AFG2A: variants seen among roughly 807,000 people sequenced by gnomAD.
AFG2A encodes ATPase family gene 2 protein homolog A.
the AFG2A span, among the ~76,000 whole-genome samples, chr4:123,176,926 G>C: frequency 6.6e-6 from 1 of 152,140 alleles, no homozygotes; most frequent in Non-Finnish European, 1.5e-5. Context: ...GGAATGAGCT[G>C]TTGTAATGAT....
the AFG2A span, among the ~76,000 whole-genome samples, chr4:122,953,815 C>A: frequency 6.6e-6 from 1 of 152,222 alleles, no homozygotes; most frequent in Admixed American, 6.5e-5. Context: ...CCCAGCAGCA[C>A]GTACCCTTTG....
chr4:123,212,724 T>G, the AFG2A span, among the ~76,000 whole-genome samples: 1 of 152,274 alleles, frequency 6.6e-6, no homozygotes, highest in East Asian at 1.9e-4. Flanking sequence ...TGCTTTCACC[T>G]GGAGAGCCGT....
the AFG2A span, among the ~76,000 whole-genome samples, chr4:123,172,228 CA>C: frequency 1.4e-4 from 21 of 152,114 alleles, no homozygotes; most frequent in Admixed American, 2.6e-4. Flanking sequence ...CAATGATAAA[CA>C]AAGTAAGATG....
the AFG2A span, among the ~76,000 whole-genome samples, chr4:123,200,650 G>A: frequency 6.6e-6 from 1 of 152,168 alleles, no homozygotes; most frequent in Non-Finnish European, 1.5e-5. Context: ...CACTGAGAAG[G>A]CAAGCTTGTT....
chr4:123,002,671 T>A, the AFG2A span, among the ~76,000 whole-genome samples: 1 of 152,206 alleles, frequency 6.6e-6, no homozygotes, highest in African/African-American at 2.4e-5. Context: ...TGCCGAGAGA[T>A]CCGCTGTTAG....
the AFG2A span, among the ~76,000 whole-genome samples, chr4:123,269,569 G>A: frequency 0.022 from 3,324 of 152,166 alleles, 65 homozygotes; most frequent in Non-Finnish European, 0.035. Flanking sequence ...TCATTGCCTT[G>A]GTTTCAAATA....
the AFG2A span, among the ~76,000 whole-genome samples, chr4:123,243,977 G>A: frequency 7.2e-5 from 11 of 152,042 alleles, 1 homozygote; most frequent in Non-Finnish European, 1.2e-4. Context: ...AGCCATGATC[G>A]CGCTACTGCA....
the AFG2A span, among the ~76,000 whole-genome samples, chr4:123,294,034 TCACCCGTGTCTCTTATCAG>T: frequency 6.6e-6 from 1 of 152,228 alleles, no homozygotes; most frequent in African/African-American, 2.4e-5. Flanking sequence ...GGAGAATTGG[TCACCCGTGTCTCTTATCAG>T]CAAGCTGGAG....
At chr4:123,004,300 G>A in the AFG2A span, among the ~76,000 whole-genome samples, 7 of 152,162 alleles carry the variant, frequency 4.6e-5, no homozygotes, top group East Asian at 1.9e-4. Flanking sequence ...GCCGGCACAC[G>A]GTGCACTGCA....
At chr4:123,131,123 C>T in the AFG2A span, among the ~76,000 whole-genome samples, 1 of 152,018 alleles carries the variant, frequency 6.6e-6, no homozygotes, top group African/African-American at 2.4e-5. Flanking sequence ...GTTTTCTTTA[C>T]GTATTCTGGA....
the AFG2A span, among the ~76,000 whole-genome samples, chr4:122,985,037 G>A: frequency 6.6e-6 from 1 of 151,918 alleles, no homozygotes. Context: ...TTGAAGGATT[G>A]GTACCAGTTC....
chr4:122,989,798 G>A, the AFG2A span, among the ~76,000 whole-genome samples: 1 of 152,146 alleles, frequency 6.6e-6, no homozygotes, highest in Admixed American at 6.6e-5. Context: ...GAGGTTGGGG[G>A]TGGGATGAAG....
chr4:123,053,786 G>A, the AFG2A span, among the ~76,000 whole-genome samples: 1 of 152,098 alleles, frequency 6.6e-6, no homozygotes, highest in Non-Finnish European at 1.5e-5. Flanking sequence ...TTGGCTCAGA[G>A]TGGCATGCAT....
chr4:123,051,957 T>C, the AFG2A span, among the ~76,000 whole-genome samples: 8 of 152,272 alleles, frequency 5.3e-5, no homozygotes, highest in South Asian at 1.7e-3. Flanking sequence ...TGGTGACCTT[T>C]AACCTTCATG....
chr4:123,017,626 C>T, the AFG2A span, among the ~76,000 whole-genome samples: 126,247 of 151,770 alleles, frequency 0.83, 53,643 homozygotes, highest in East Asian at 0.96. Flanking sequence ...CTGCAATATG[C>T]AGTATCTTTA....
the AFG2A span, among the ~76,000 whole-genome samples, chr4:123,124,909 A>G: frequency 6.6e-6 from 1 of 152,238 alleles, no homozygotes; most frequent in African/African-American, 2.4e-5. Context: ...CATAAAATTA[A>G]GAAATTATTA....
At chr4:123,003,741 G>T in the AFG2A span, among the ~76,000 whole-genome samples, 1 of 152,052 alleles carries the variant, frequency 6.6e-6, no homozygotes, top group Admixed American at 6.6e-5. Flanking sequence ...CAGTTGGGGT[G>T]CTCGGTGGTC....
At chr4:123,006,574 A>G in the AFG2A span, among the ~76,000 whole-genome samples, 1 of 152,034 alleles carries the variant, frequency 6.6e-6, no homozygotes, top group Non-Finnish European at 1.5e-5. Context: ...GGTAATCTCT[A>G]TCTAGTGCTG....
chr4:123,170,240 A>G, the AFG2A span, among the ~76,000 whole-genome samples: 2 of 152,230 alleles, frequency 1.3e-5, no homozygotes, highest in African/African-American at 4.8e-5. Flanking sequence ...GTCTTCTGGC[A>G]TTCTAAGAAG....
Sources: allele counts gnomAD v4.1 joint callset (sites outside exome capture counted in the v4.1 genomes callset), GRCh38; gene constraint gnomAD v4.1.1; transcripts MANE v1.5; gene names NCBI Gene and HGNC (gene_info 2026-07-23, HGNC 2026-07-21).